Variants in N4BP1 observed in about 807,000 individuals in gnomAD.
The protein encoded by N4BP1 is NEDD4-binding protein 1.
In N4BP1, 21 loss-of-function variants were observed where a neutral mutation model predicts 70.9. That is an observed-to-expected ratio of 0.30 (90% CI 0.21 to 0.43). The LOEUF is 0.43. Ranked by LOEUF, N4BP1 falls within the 20% of genes least tolerant of loss-of-function variation. N4BP1 has a pLI of 1.00. For missense variants in N4BP1, 936 were observed against 1,069.4 expected (o/e 0.88, Z 1.74); for synonymous variants, 387 against 394.6 (o/e 0.98, Z 0.23).
chr16:48,609,751 C>T lies in N4BP1; in HGVS notation c.198+24G>A, dbSNP rs146139081. ...CCCGGACCGATCGAGGCCGCGGGCGCGCGGGGGCGGCGGCCGGACTCACCT... is the reference window on the plus strand; with the variant it reads ...CCCGGACCGATCGAGGCCGCGGGCGTGCGGGGGCGGCGGCCGGACTCACCT... On this transcript the variant is annotated intron_variant, in intron 1 of 6. Transcript: ENST00000262384. 997 of 1,325,116 alleles carry T rather than the reference C, an allele frequency of 7.5e-4. 5 individuals carry two copies. The African/African-American group carries it at 0.014, about 18-fold the overall frequency. 82.1% of individuals were successfully genotyped at this position (1,325,116 alleles called of 1,614,324 possible).
At chr16:48,598,207 G>A (rs1964446929) in intron 1 of N4BP1, among the ~76,000 whole-genome samples, 1 of 152,198 alleles carries the variant, frequency 6.6e-6, no homozygotes, top group African/African-American at 2.4e-5. Context: ...AAATTGGTAA[G>A]TGCTGTGCTT....
At chr16:48,608,494 C>T (rs1269342645) in intron 1 of N4BP1, among the ~76,000 whole-genome samples, 2 of 152,102 alleles carry the variant, frequency 1.3e-5, no homozygotes, top group Non-Finnish European at 2.9e-5. Context: ...CTGCCCACCC[C>T]GCAGACAGGG....
At chr16:48,578,697 A>C (rs188329571) in intron 1 of N4BP1, among the ~76,000 whole-genome samples, 219 of 152,384 alleles carry the variant, frequency 1.4e-3, no homozygotes, top group Middle Eastern at 3.4e-3. Context: ...TTCATCGTGT[A>C]GGATTAATGT....
chr16:48,574,533 A>G (rs988666939), intron 1 of N4BP1, among the ~76,000 whole-genome samples: 2 of 152,232 alleles, frequency 1.3e-5, no homozygotes, highest in African/African-American at 4.8e-5. Flanking sequence ...CTATACAACC[A>G]AAATAAAACG....
At chr16:48,572,747 G>A (rs926721692) in intron 1 of N4BP1, among the ~76,000 whole-genome samples, 2 of 152,120 alleles carry the variant, frequency 1.3e-5, no homozygotes, top group South Asian at 2.1e-4. Context: ...TCAAAAGGAT[G>A]CTAAATAGAG....
At position 48,610,001 on chromosome 16, in the gene N4BP1, G is replaced by T. The variant is rs527838158; in HGVS notation, c.-29C>A. 8.8e-7 allele frequency: 1 copy of T among 1,133,516 alleles called. No homozygotes were observed. Among genetic ancestry groups the T allele is most frequent in the East Asian group, 4.5e-5 (1 of 22,132 alleles). 70.2% of individuals were successfully genotyped at this position (1,133,516 alleles called of 1,614,324 possible). A position where few individuals can be genotyped will look rare whatever the true frequency, so the allele number is the denominator to read the frequency against. ...GGGCGCGGCCTCCCGCGGCGGCGCC[G>T]GGGGCCGGCGGCGGCGACGCCCCCT... On this transcript the variant is annotated 5_prime_UTR_variant, in exon 1 of 7. Transcript: ENST00000262384.
chr16:48,583,214 A>T (rs1023197712), intron 1 of N4BP1, among the ~76,000 whole-genome samples: 2 of 152,216 alleles, frequency 1.3e-5, no homozygotes, highest in African/African-American at 4.8e-5. Context: ...AAACAATGGA[A>T]TGCTTATCAG....
rs777388793 is a variant in N4BP1, at chr16:48,546,199, C to G, written c.2281G>C (p.Gly761Arg). Residue 761 changes from glycine (G) to arginine (R), a missense_variant, in exon 6 of 7, where the codon GGA becomes CGA. Coordinates refer to ENST00000262384, the MANE Select transcript of N4BP1 (RefSeq NM_153029.4). The stretch of plus-strand genomic sequence containing the variant: ...TCCTCTAATCGAGGTCCACTTCTTC[C>G]CAGAGGATCATCGGGAACCATAAAT... The part of the protein sequence containing the change: ...DIFMVPDDPL[G>R]RSGPRLEEFL... The G allele has an allele frequency of 6.2e-7, 1 of 1,613,142 alleles. No individual in the cohort carries two copies. The highest frequency in any genetic ancestry group is 1.7e-5 in the Admixed American group (1 of 59,886).
chr16:48,579,646 T>C (rs1244102032), intron 1 of N4BP1, among the ~76,000 whole-genome samples: 4 of 145,108 alleles, frequency 2.8e-5, no homozygotes, highest in Non-Finnish European at 4.6e-5. Flanking sequence ...ATTCCAATAA[T>C]AACCTTGAAT....
At chr16:48,598,955 G>A (rs1161429077) in intron 1 of N4BP1, among the ~76,000 whole-genome samples, 2 of 152,040 alleles carry the variant, frequency 1.3e-5, no homozygotes, top group African/African-American at 4.8e-5. Context: ...TTAAAAAGTT[G>A]TATCTCCTTT....
At chr16:48,543,344 G>C in intron 6 of N4BP1, 83 bp from the exon 7 acceptor site, 1 of 1,159,428 alleles carries the variant, frequency 8.6e-7, no homozygotes, top group South Asian at 2.0e-5. Context: ...ACCTGCGGCA[G>C]GCCTTGAGGC....
intron 1 of N4BP1, among the ~76,000 whole-genome samples, chr16:48,567,989 C>T (rs1335331321): frequency 6.6e-6 from 1 of 152,168 alleles, no homozygotes; most frequent in Non-Finnish European, 1.5e-5. Context: ...TACCAGACAA[C>T]CAGAGACAGT....
At chr16:48,545,800 C>A (rs968868023) in intron 6 of N4BP1, among the ~76,000 whole-genome samples, 1 of 151,766 alleles carries the variant, frequency 6.6e-6, no homozygotes, top group Non-Finnish European at 1.5e-5. Context: ...CTGAGGAAGG[C>A]GGATTCCTTG....
intron 1 of N4BP1, among the ~76,000 whole-genome samples, chr16:48,591,373 T>TA (rs1018138277): frequency 6.6e-6 from 1 of 152,048 alleles, no homozygotes; most frequent in Non-Finnish European, 1.5e-5. Context: ...GGGAAGATTC[T>TA]AAATCTTGTA....
At chr16:48,598,826 G>A (rs1013788193) in intron 1 of N4BP1, among the ~76,000 whole-genome samples, 1 of 152,054 alleles carries the variant, frequency 6.6e-6, no homozygotes, top group African/African-American at 2.4e-5. Context: ...CCTTGATATA[G>A]GAGTCCTATG....
At position 48,610,091 on chromosome 16, in the gene N4BP1, C is replaced by G. The variant is rs1425901303; in HGVS notation, c.-119G>C. On this transcript the variant is annotated 5_prime_UTR_variant, in exon 1 of 7. Transcript: ENST00000262384. ...CGGCCCTTCCCGGCCGCCTCGCCCC[C>G]GCCCGCGCCCCGCCGCCCGCCCTCA... 2.3e-6 allele frequency: 1 copy of G among 439,780 alleles called. No homozygotes were observed. The highest frequency in any genetic ancestry group is 6.3e-5 in the Admixed American group (1 of 15,848). 27.2% of individuals were successfully genotyped at this position (439,780 alleles called of 1,614,324 possible). A position where few individuals can be genotyped will look rare whatever the true frequency, so the allele number is the denominator to read the frequency against.
chr16:48,586,975 T>G (rs1174119186), intron 1 of N4BP1, among the ~76,000 whole-genome samples: 1 of 152,214 alleles, frequency 6.6e-6, no homozygotes, highest in Non-Finnish European at 1.5e-5. Context: ...ACTGCTCCAA[T>G]CTTAAGAAAC....
chr16:48,540,726 A>C lies in N4BP1; in HGVS notation c.*2178T>G, dbSNP rs1039340. The C allele has an allele frequency of 0.4, 61,329 of 152,228 alleles. 13,324 individuals are homozygous for C. The highest frequency in any genetic ancestry group is 0.56 in the African/African-American group (23,369 of 41,480). The allele number at this position is 152,228 out of a possible 1,614,324, so 9.4% of individuals were successfully genotyped here. On this transcript the variant is annotated 3_prime_UTR_variant, in exon 7 of 7. Coordinates refer to ENST00000262384, the MANE Select transcript of N4BP1 (RefSeq NM_153029.4). Reference sequence around the variant, plus strand: ...AGAGCCTGAGCAGTAGACAGGGAAGAGGCGAGCGGCCCCACTGCAGGAGGT... The same window carrying C: ...AGAGCCTGAGCAGTAGACAGGGAAGCGGCGAGCGGCCCCACTGCAGGAGGT...
intron 2 of N4BP1, 125 bp from the exon 3 acceptor site, chr16:48,553,794 T>C (rs1254626119): frequency 1.1e-5 from 10 of 890,654 alleles, no homozygotes; most frequent in Non-Finnish European, 1.6e-5. Context: ...TTTAATATTC[T>C]TACATTTTTG....
Sources: allele counts gnomAD v4.1 joint callset (sites outside exome capture counted in the v4.1 genomes callset), GRCh38; gene constraint gnomAD v4.1.1; transcripts MANE v1.5; gene names NCBI Gene and HGNC (gene_info 2026-07-23, HGNC 2026-07-21).